Variants in DLGAP2 observed in about 807,000 individuals in gnomAD.
DLGAP2 encodes the protein DLG associated protein 2.
DLGAP2 carries 26 observed loss-of-function variants against 100.3 expected under a neutral mutation model. The ratio of observed to expected loss-of-function variants is 0.26; its 90% CI spans 0.19 to 0.36. The LOEUF is 0.36. DLGAP2 is among the 10% of genes least tolerant of loss of function. The probability of loss-of-function intolerance (pLI) is 1.00; values close to 1 mark genes in which losing one functional copy is unlikely to be tolerated. For synonymous variants in DLGAP2, 886 were observed against 630.1 expected, an observed-to-expected ratio of 1.41 and a Z score of -6.08; for missense variants, 1,858 against 1,453.2, an observed-to-expected ratio of 1.28 and a Z score of -4.53.
At chr8:768,709 T>G (rs1040319088) in intron 1 of DLGAP2, among the ~76,000 whole-genome samples, 2 of 152,100 alleles carry the variant, frequency 1.3e-5, no homozygotes, top group African/African-American at 4.8e-5. Flanking sequence ...CAGATGGCGC[T>G]GATAATCTTG....
At chr8:1,030,367 G>C (rs1394697190) in intron 2 of DLGAP2, among the ~76,000 whole-genome samples, 5 of 152,170 alleles carry the variant, frequency 3.3e-5, no homozygotes, top group Admixed American at 3.3e-4. Flanking sequence ...TCTGTTCAAA[G>C]TTAGATTTCT....
At chr8:1,521,932 A>G (rs1167427557) in intron 4 of DLGAP2, among the ~76,000 whole-genome samples, 2 of 134,550 alleles carry the variant, frequency 1.5e-5, no homozygotes, top group Middle Eastern at 4.5e-3. Context: ...TCTGGTTTGC[A>G]CACTTGTTTT....
intron 4 of DLGAP2, among the ~76,000 whole-genome samples, chr8:1,508,750 C>G (rs1800045041): frequency 6.6e-6 from 1 of 151,140 alleles, no homozygotes; most frequent in Admixed American, 6.6e-5. Context: ...GCAGGAGGCG[C>G]TGACGGCGTT....
At chr8:1,242,178 T>A (rs578083011) in intron 2 of DLGAP2, among the ~76,000 whole-genome samples, 1 of 152,334 alleles carries the variant, frequency 6.6e-6, no homozygotes, top group South Asian at 2.1e-4. Flanking sequence ...AGACACTAAT[T>A]AGTTTATCCA....
intron 2 of DLGAP2, among the ~76,000 whole-genome samples, chr8:977,023 A>G (rs1274081419): frequency 6.6e-6 from 1 of 152,262 alleles, no homozygotes; most frequent in Non-Finnish European, 1.5e-5. Context: ...GAAAATATTT[A>G]CAAAACACTT....
chr8:850,382 T>G (rs540721467), intron 1 of DLGAP2, among the ~76,000 whole-genome samples: 2 of 152,340 alleles, frequency 1.3e-5, no homozygotes, highest in South Asian at 4.1e-4. Flanking sequence ...TTCTGCACTT[T>G]GTGCAGAAAT....
chr8:1,630,842 A>G (rs2130777493), intron 7 of DLGAP2, among the ~76,000 whole-genome samples: 1 of 151,052 alleles, frequency 6.6e-6, no homozygotes, highest in African/African-American at 2.4e-5. Context: ...CAGTAGCTGC[A>G]CTCTGCTTGG....
chr8:1,333,976 A>C (rs568724345), intron 3 of DLGAP2, among the ~76,000 whole-genome samples: 1 of 152,364 alleles, frequency 6.6e-6, no homozygotes, highest in African/African-American at 2.4e-5. Context: ...GGCGAGAGCC[A>C]CGTGCTCCGC....
At chr8:807,207 AG>A (rs1450351556) in intron 1 of DLGAP2, among the ~76,000 whole-genome samples, 1 of 152,076 alleles carries the variant, frequency 6.6e-6, no homozygotes, top group Non-Finnish European at 1.5e-5. Context: ...TGTGATGCAA[AG>A]GTACTCGTTC....
At chr8:1,387,383 T>G (rs1365441971) in intron 3 of DLGAP2, among the ~76,000 whole-genome samples, 1 of 152,058 alleles carries the variant, frequency 6.6e-6, no homozygotes, top group Non-Finnish European at 1.5e-5. Context: ...AAACCCTGAA[T>G]TGGGCAGTGG....
intron 1 of DLGAP2, among the ~76,000 whole-genome samples, chr8:872,452 G>A (rs576963585): frequency 6.6e-6 from 1 of 150,836 alleles, no homozygotes; most frequent in Non-Finnish European, 1.5e-5. Context: ...TCCTGCCTCA[G>A]CCTCCTCAGT....
chr8:1,163,645 G>T (rs1370466475), intron 2 of DLGAP2, among the ~76,000 whole-genome samples: 3 of 152,214 alleles, frequency 2.0e-5, no homozygotes, highest in East Asian at 3.9e-4. Flanking sequence ...GGCTGCAGGC[G>T]GCCGCCTGGG....
At chr8:1,256,907 C>G (rs1401741157) in intron 2 of DLGAP2, among the ~76,000 whole-genome samples, 1 of 152,048 alleles carries the variant, frequency 6.6e-6, no homozygotes, top group African/African-American at 2.4e-5. Context: ...ATGGTGGTGG[C>G]TGGGATAGAG....
chr8:1,602,525 G>A lies in DLGAP2; in HGVS notation c.1443-24215G>A, dbSNP rs73671238. 3.4e-3 allele frequency among the ~76,000 whole-genome samples: 512 copies of A among 152,290 alleles called. 2 individuals are homozygous for A. Among genetic ancestry groups the A allele is most frequent in the African/African-American group, 0.012 (494 of 41,560 alleles). ...CTGGAGGCCCGAATCCACGGAGGCC[G>A]GGCCAGGCCACCCCAGCATCAGGCC... On this transcript the variant is annotated intron_variant, in intron 6 of 14. Transcript: ENST00000637795.
rs112734324 is a variant in DLGAP2, at chr8:1,628,995, T to A, written c.1590+2108T>A. On this transcript the variant is annotated intron_variant, in intron 7 of 14. Coordinates refer to ENST00000637795, the MANE Select transcript of DLGAP2 (RefSeq NM_001346810.2). ...AGCACTCAAAAATGATAGCCCTTAT[T>A]ATTACCATGATAACAATAAGTAATA... is the stretch of plus-strand genomic sequence containing the variant. Among the ~76,000 whole-genome samples the A allele has an allele frequency of 6.6e-3, 1,012 of 152,384 alleles. 12 individuals carry two copies. The highest frequency in any genetic ancestry group is 0.023 in the African/African-American group (945 of 41,594).
chr8:1,559,606 G>A (rs1008699111), intron 5 of DLGAP2, among the ~76,000 whole-genome samples: 4 of 152,146 alleles, frequency 2.6e-5, no homozygotes, highest in African/African-American at 7.2e-5. Context: ...TTAATTTGCA[G>A]GCTGCTGAAG....
chr8:889,109 C>T (rs1231584502), intron 1 of DLGAP2, among the ~76,000 whole-genome samples: 1 of 152,018 alleles, frequency 6.6e-6, no homozygotes, highest in African/African-American at 2.4e-5. Context: ...AGCTTTTGAG[C>T]CAGGATGAGC....
At chr8:1,209,652 A>G (rs1798063895) in intron 2 of DLGAP2, among the ~76,000 whole-genome samples, 1 of 152,242 alleles carries the variant, frequency 6.6e-6, no homozygotes, top group Admixed American at 6.5e-5. Flanking sequence ...TCATGAGAGT[A>G]ACCTCCTATT....
chr8:764,356 C>G (rs772608230), intron 1 of DLGAP2, among the ~76,000 whole-genome samples: 13 of 152,244 alleles, frequency 8.5e-5, no homozygotes, highest in Non-Finnish European at 1.5e-4. Flanking sequence ...GTAATTTTCT[C>G]ACTTCCTATG....
Sources: gnomAD v4.1 joint callset for allele counts (sites outside exome capture counted in the v4.1 genomes callset) on GRCh38, gnomAD v4.1.1 for gene constraint, MANE v1.5 for transcripts, NCBI Gene and HGNC (gene_info 2026-07-23, HGNC 2026-07-21) for gene names.